Variants in FHIP2B observed in about 807,000 individuals in gnomAD.
FHIP2B encodes FHF complex subunit HOOK-interacting protein 2B.
In FHIP2B, 72 loss-of-function variants were observed where a neutral mutation model predicts 84.0. That is an observed-to-expected ratio of 0.86 (90% CI 0.71 to 1.04). The LOEUF is 1.04. Among genes scored for constraint, FHIP2B ranks in the 50% least tolerant of loss-of-function variants. The pLI, the probability that FHIP2B is intolerant of heterozygous loss-of-function variation, is 0.00. For synonymous variants in FHIP2B, 497 were observed against 418.7 expected, an observed-to-expected ratio of 1.19 and a Z score of -2.28; for missense variants, 972 against 968.9, an observed-to-expected ratio of 1.00 and a Z score of -0.04.
chr8:22,101,012 AT>A, intron 12 of FHIP2B, 40 bp downstream of exon 12: 1 of 1,554,824 alleles, frequency 6.4e-7, no homozygotes, highest in Non-Finnish European at 8.7e-7. Flanking sequence ...CTTGAGTTTT[AT>A]TTTATTTTAT....
intron 12 of FHIP2B, chr8:22,101,224 T>C (rs1015865005): frequency 6.3e-6 from 4 of 639,248 alleles, no homozygotes; most frequent in Non-Finnish European, 1.1e-5. Context: ...GGTTTCCCCA[T>C]GTTGGCCAGG....
rs777586900 is a variant in FHIP2B at position 22,103,026 on chromosome 8, G to A, written c.*95G>A. ...CCGCCACACTCCCCTCCTGGGATGGGGCTTCTGCTCCCGGGCTCACTCAAG... is the reference window on the plus strand; with the variant it reads ...CCGCCACACTCCCCTCCTGGGATGGAGCTTCTGCTCCCGGGCTCACTCAAG... On this transcript the variant is annotated 3_prime_UTR_variant, in exon 17 of 17. Transcript: ENST00000289921. 12 of 1,455,762 alleles carry A rather than the reference G, an allele frequency of 8.2e-6. No individual in the cohort carries two copies. The highest frequency in any genetic ancestry group is 1.0e-5 in the Non-Finnish European group (11 of 1,088,230). The allele number at this position is 1,455,762 out of a possible 1,614,324, so 90.2% of individuals were successfully genotyped here. A position where few individuals can be genotyped will look rare whatever the true frequency, so the allele number is the denominator to read the frequency against.
chr8:22,093,367 T>C (rs1240367209), intron 1 of FHIP2B, among the ~76,000 whole-genome samples: 2 of 152,194 alleles, frequency 1.3e-5, no homozygotes, highest in Admixed American at 6.6e-5. Flanking sequence ...GGGAAAGTGA[T>C]TGTTCTCAGT....
At chr8:22,089,659 C>A (rs1306300974) in intron 1 of FHIP2B, 3 of 714,428 alleles carry the variant, frequency 4.2e-6, no homozygotes, top group Non-Finnish European at 6.1e-6. Context: ...TAGGCCGCCT[C>A]CCCCCAGTCC....
chr8:22,089,762 C>G, intron 1 of FHIP2B: 2 of 1,274,200 alleles, frequency 1.6e-6, no homozygotes, highest in Non-Finnish European at 2.0e-6. Flanking sequence ...ATCTCCCAGA[C>G]AACTCCAGGA....
Position 22,094,837 on chromosome 8 carries a change from A to G in FHIP2B, c.124+319A>G. ...TGCACTTCCCCCAGCTTCCAGCTCC[A>G]GACCTTCAGGCCCCAGGTGCTTGTG... is the stretch of plus-strand genomic sequence containing the variant. On this transcript the variant is annotated intron_variant, in intron 2 of 16. Coordinates refer to ENST00000289921, the MANE Select transcript of FHIP2B (RefSeq NM_022749.7). 6 of 1,195,596 alleles carry G rather than the reference A, an allele frequency of 5.0e-6. No individual in the cohort carries two copies. In the South Asian group the frequency reaches 1.2e-4, roughly 24 times the overall value. 74.1% of individuals were successfully genotyped at this position (1,195,596 alleles called of 1,614,324 possible). A position where few individuals can be genotyped will look rare whatever the true frequency, so the allele number is the denominator to read the frequency against.
intron 12 of FHIP2B, 60 bp downstream of exon 12, chr8:22,101,032 T>G: frequency 6.5e-7 from 1 of 1,539,440 alleles, no homozygotes; most frequent in South Asian, 1.2e-5. Context: ...ATTTTATTTT[T>G]TGAGATAGAG....
intron 1 of FHIP2B, among the ~76,000 whole-genome samples, chr8:22,091,100 T>C (rs1006851484): frequency 6.6e-6 from 1 of 152,160 alleles, no homozygotes; most frequent in African/African-American, 2.4e-5. Context: ...TTTTGTGCTC[T>C]ACCCTCAGGT....
In FHIP2B at chr8:22,094,301, C is replaced by T. The variant is rs114096934; in HGVS notation, c.46-139C>T. 3,650 of 727,684 alleles carry T rather than the reference C, an allele frequency of 5.0e-3. 75 individuals are homozygous for T. In the African/African-American group the frequency reaches 0.057, roughly 11 times the overall value. The allele number at this position is 727,684 out of a possible 1,614,324, so 45.1% of individuals were successfully genotyped here. ...CCTGGAGGAAATGTGTTATTCCTCC[C>T]TTTGAAAGCCAGGGAGCAGGGTGCC... On this transcript the variant is annotated intron_variant, in intron 1 of 16. Transcript: ENST00000289921.
Position 22,102,532 on chromosome 8 carries a change from T to C in FHIP2B, c.1997T>C (p.Ile666Thr). Reference sequence around the variant, plus strand: ...CCCCTGTGATTCCCGCTGTAGGTGATCGGGGACTTGATGCAGAGAATCCAG... The same window carrying C: ...CCCCTGTGATTCCCGCTGTAGGTGACCGGGGACTTGATGCAGAGAATCCAG... ...RSLFSVLVRV[I>T]GDLMQRIQRV... is the part of the protein sequence containing the mutation. The change falls in exon 16 of 17, where the codon ATC (isoleucine) becomes ACC (threonine). Residue 666 changes from isoleucine (I) to threonine (T), a missense_variant. Coordinates refer to ENST00000289921, the MANE Select transcript of FHIP2B (RefSeq NM_022749.7). 6.4e-7 allele frequency: 1 copy of C among 1,556,944 alleles called. No homozygotes were observed. The highest frequency in any genetic ancestry group is 8.7e-7 in the Non-Finnish European group (1 of 1,150,654).
At chr8:22,094,402 TG>T in intron 1 of FHIP2B, 37 bp from the exon 2 acceptor site, 1 of 1,558,510 alleles carries the variant, frequency 6.4e-7, no homozygotes, top group Non-Finnish European at 8.7e-7. Context: ...CCCTGGCCTT[TG>T]TGGCCCCCAC....
chr8:22,102,539 C>A lies in FHIP2B; in HGVS notation c.2004C>A (p.Asp668Glu). 1 of 1,558,510 alleles carries A rather than the reference C, an allele frequency of 6.4e-7. No homozygotes were observed. Among genetic ancestry groups the A allele is most frequent in the Non-Finnish European group, 8.7e-7 (1 of 1,151,512 alleles). ...GATTCCCGCTGTAGGTGATCGGGGA[C>A]TTGATGCAGAGAATCCAGAGGGTAC... ...LFSVLVRVIG[D>E]LMQRIQRVPQ... is the part of the protein sequence containing the mutation. Residue 668 changes from aspartate (D) to glutamate (E), a missense_variant, in exon 16 of 17, where the codon GAC becomes GAA. Physicochemically the swap from Asp to Glu is conservative, Grantham distance 45. Transcript: ENST00000289921.
intron 2 of FHIP2B, 179 bp downstream of exon 2, chr8:22,094,697 C>T (rs1311155978): frequency 1.4e-6 from 2 of 1,430,906 alleles, no homozygotes; most frequent in Non-Finnish European, 1.8e-6. Context: ...TGGGCCACTC[C>T]ACTCCTGATG....
chr8:22,090,947 A>G (rs377170044), intron 1 of FHIP2B, among the ~76,000 whole-genome samples: 97 of 152,302 alleles, frequency 6.4e-4, no homozygotes, highest in African/African-American at 2.3e-3. Flanking sequence ...TTCCAATGAC[A>G]GAAGTACAGG....
chr8:22,094,310 C>A, intron 1 of FHIP2B, 130 bp from the exon 2 acceptor site: 2 of 783,010 alleles, frequency 2.6e-6, no homozygotes, highest in Non-Finnish European at 3.8e-6. Context: ...CCTTTGAAAG[C>A]CAGGGAGCAG....
rs1356156446 is a variant in FHIP2B, at chr8:22,098,112, T to C, written c.570T>C (p.Thr190=). The C allele has an allele frequency of 1.3e-6, 2 of 1,589,128 alleles. No homozygotes were observed. Among genetic ancestry groups the C allele is most frequent in the East Asian group, 4.6e-5 (2 of 43,464 alleles). The change falls in exon 6 of 17, where the codon ACT becomes ACC. Residue 190 remains threonine (T), a synonymous_variant. Transcript: ENST00000289921. The part of the protein sequence containing the change: ...VGRKKACGEP[T]ALPKDTTSHG... ...GGAAGAAAGCATGCGGAGAACCCAC[T>C]GCCCTGCCTAAGGACACAACCAGCC...
intron 1 of FHIP2B, among the ~76,000 whole-genome samples, 168 bp downstream of exon 1, chr8:22,089,466 G>C (rs545939344): frequency 6.6e-6 from 1 of 150,978 alleles, no homozygotes; most frequent in Admixed American, 6.6e-5. Context: ...GCCGCGCCCC[G>C]CTTCCCCTCG....
intron 15 of FHIP2B, 78 bp from the exon 16 acceptor site, chr8:22,102,450 C>T: frequency 1.3e-6 from 2 of 1,533,658 alleles, no homozygotes; most frequent in Admixed American, 2.0e-5. Flanking sequence ...GTCTCCCATG[C>T]TCTGCATGGT....
rs1373809912 is a variant in FHIP2B at position 22,100,604 on chromosome 8, CCA to C, written c.1356_1357del (p.Leu453ProfsTer4). 1 of 1,560,296 alleles carries C rather than the reference CCA, an allele frequency of 6.4e-7. No homozygotes were observed. Among genetic ancestry groups the C allele is most frequent in the Admixed American group, 1.9e-5 (1 of 52,446 alleles). The stretch of plus-strand genomic sequence containing the variant: ...CCCTTCCTGCTCCAGATCAGCATCA[CCA>C]CACTCCGGCTGTTTGAGGAGCTGCT... On this transcript the variant is annotated frameshift_variant, in exon 11 of 17. Coordinates refer to ENST00000289921, the MANE Select transcript of FHIP2B (RefSeq NM_022749.7). LOFTEE classifies it high-confidence loss of function.
Sources: allele counts gnomAD v4.1 joint callset (sites outside exome capture counted in the v4.1 genomes callset), GRCh38; gene constraint gnomAD v4.1.1; transcripts MANE v1.5; gene names NCBI Gene and HGNC (gene_info 2026-07-23, HGNC 2026-07-21).